PLPPR1: variants seen among roughly 807,000 people sequenced by gnomAD.
The protein encoded by PLPPR1 is phospholipid phosphatase-related protein type 1.
In PLPPR1, 10 loss-of-function variants were observed where a neutral mutation model predicts 33.1. That is an observed-to-expected ratio of 0.30 (90% confidence interval 0.19 to 0.51). The LOEUF (loss-of-function observed/expected upper bound fraction) is 0.51. Ranked by LOEUF, PLPPR1 falls within the 20% of genes least tolerant of loss-of-function variation. PLPPR1 has a pLI of 0.97. For synonymous variants in PLPPR1, 151 were observed against 151.0 expected, an observed-to-expected ratio of 1.00 and a Z score of 0.00; for missense variants, 304 against 408.1, an observed-to-expected ratio of 0.74 and a Z score of 2.20.
At chr9:101,072,283 G>A (rs1425254280) in intron 1 of PLPPR1, among the ~76,000 whole-genome samples, 1 of 152,052 alleles carries the variant, frequency 6.6e-6, no homozygotes, top group South Asian at 2.1e-4. Flanking sequence ...TATGTGTTGC[G>A]GCTTAGCCCT....
chr9:101,296,548 A>C (rs1025694142), intron 4 of PLPPR1, among the ~76,000 whole-genome samples: 5 of 152,174 alleles, frequency 3.3e-5, no homozygotes, highest in African/African-American at 1.2e-4. Context: ...TGGAACCAAC[A>C]CAAATGTCCA....
intron 1 of PLPPR1, among the ~76,000 whole-genome samples, chr9:101,153,941 G>A (rs9697144): frequency 0.069 from 10,531 of 152,124 alleles, 1,156 homozygotes; most frequent in African/African-American, 0.23. Flanking sequence ...TTTTGTCAAA[G>A]GCCTTTTCTG....
At chr9:101,079,870 C>A (rs189618478) in intron 1 of PLPPR1, among the ~76,000 whole-genome samples, 3 of 152,360 alleles carry the variant, frequency 2.0e-5, no homozygotes, top group Non-Finnish European at 2.9e-5. Flanking sequence ...AGCCACCACG[C>A]CCAGCCTAGA....
intron 4 of PLPPR1, among the ~76,000 whole-genome samples, chr9:101,298,866 T>C (rs778207117): frequency 9.2e-5 from 14 of 152,140 alleles, no homozygotes; most frequent in Admixed American, 3.3e-4. Context: ...GCAGCAGATA[T>C]GTAATTTTAA....
intron 2 of PLPPR1, among the ~76,000 whole-genome samples, chr9:101,243,779 G>C (rs866313059): frequency 2.0e-5 from 3 of 151,986 alleles, no homozygotes; most frequent in Middle Eastern, 3.4e-3. Flanking sequence ...AGGTGGTAGT[G>C]GAAGCCACTG....
At chr9:101,173,858 A>G (rs1177818912) in intron 1 of PLPPR1, among the ~76,000 whole-genome samples, 1 of 152,178 alleles carries the variant, frequency 6.6e-6, no homozygotes, top group Non-Finnish European at 1.5e-5. Flanking sequence ...TGAGGATAGA[A>G]GCCGGCAATA....
At chr9:101,059,565 A>G (rs1318985732) in intron 1 of PLPPR1, among the ~76,000 whole-genome samples, 2 of 152,112 alleles carry the variant, frequency 1.3e-5, no homozygotes, top group Non-Finnish European at 2.9e-5. Flanking sequence ...CAAACCATAT[A>G]TCTGATAAGA....
chr9:101,125,556 T>G, intron 1 of PLPPR1: 1 of 483,752 alleles, frequency 2.1e-6, no homozygotes, highest in Non-Finnish European at 3.9e-6. Flanking sequence ...GGAAGTGCTG[T>G]CTCCTGCCTA....
intron 4 of PLPPR1, among the ~76,000 whole-genome samples, chr9:101,296,661 T>C (rs1338133195): frequency 6.6e-6 from 1 of 152,008 alleles, no homozygotes; most frequent in Non-Finnish European, 1.5e-5. Flanking sequence ...ATGGATGAAA[T>C]TGGAAATCAT....
chr9:101,263,826 C>T (rs775559889), intron 2 of PLPPR1, among the ~76,000 whole-genome samples: 5 of 152,138 alleles, frequency 3.3e-5, no homozygotes, highest in South Asian at 2.1e-4. Context: ...AGTTAATTTA[C>T]GTAAGGTGTT....
At chr9:101,203,801 C>T (rs1445708568) in intron 2 of PLPPR1, among the ~76,000 whole-genome samples, 2 of 112,168 alleles carry the variant, frequency 1.8e-5, no homozygotes, top group Non-Finnish European at 4.1e-5. Flanking sequence ...AATTAAAAGA[C>T]AAATTTTATG....
At chr9:101,249,789 G>A (rs1013576137) in intron 2 of PLPPR1, among the ~76,000 whole-genome samples, 8 of 151,956 alleles carry the variant, frequency 5.3e-5, no homozygotes, top group African/African-American at 7.2e-5. Context: ...ACTGGTCTTC[G>A]CTCTGGAGAT....
chr9:101,304,631 T>C (rs1828814207), intron 4 of PLPPR1, among the ~76,000 whole-genome samples: 1 of 152,220 alleles, frequency 6.6e-6, no homozygotes, highest in African/African-American at 2.4e-5. Flanking sequence ...TCTCCCTATT[T>C]ACTCTTAAAT....
chr9:101,113,830 C>G (rs1186170705), intron 1 of PLPPR1, among the ~76,000 whole-genome samples: 1 of 152,016 alleles, frequency 6.6e-6, no homozygotes, highest in Non-Finnish European at 1.5e-5. Flanking sequence ...ACATGAAGCT[C>G]TGTGGTTCTT....
chr9:101,233,513 AATTTAATTGCCATTGTAACAGT>A (rs1451116722), intron 2 of PLPPR1, among the ~76,000 whole-genome samples: 1 of 151,906 alleles, frequency 6.6e-6, no homozygotes, highest in African/African-American at 2.4e-5. Flanking sequence ...TTCATAGTGA[AATTTAATTGCCATTGTAACAGT>A]ATTAAGACGT....
intron 1 of PLPPR1, among the ~76,000 whole-genome samples, chr9:101,144,367 C>T (rs1276743290): frequency 6.6e-6 from 1 of 152,106 alleles, no homozygotes; most frequent in African/African-American, 2.4e-5. Flanking sequence ...ACATATGTAA[C>T]AAACCTGCAT....
chr9:101,142,755 T>C (rs894392905), intron 1 of PLPPR1, among the ~76,000 whole-genome samples: 11 of 152,098 alleles, frequency 7.2e-5, no homozygotes, highest in African/African-American at 2.4e-4. Context: ...GCTTTTTTTT[T>C]CCCCTTGGCA....
At chr9:101,058,560 A>C (rs902902814) in intron 1 of PLPPR1, among the ~76,000 whole-genome samples, 1 of 152,182 alleles carries the variant, frequency 6.6e-6, no homozygotes, top group Non-Finnish European at 1.5e-5. Flanking sequence ...GTTCAGTCTG[A>C]AATAGTATGG....
At chr9:101,146,695 T>C (rs979090940) in intron 1 of PLPPR1, among the ~76,000 whole-genome samples, 1 of 152,226 alleles carries the variant, frequency 6.6e-6, no homozygotes, top group Non-Finnish European at 1.5e-5. Context: ...AAATGTTCTC[T>C]GCCTCTAATC....
Sources: gnomAD v4.1 joint callset for allele counts (sites outside exome capture counted in the v4.1 genomes callset) on GRCh38, gnomAD v4.1.1 for gene constraint, MANE v1.5 for transcripts, NCBI Gene and HGNC (gene_info 2026-07-23, HGNC 2026-07-21) for gene names.